Variants in ADK observed in about 807,000 individuals in gnomAD.
ADK encodes adenosine kinase, also known as N6,N6-dimethyladenosine kinase.
ADK carries 24 observed loss-of-function variants against 44.7 expected under a neutral mutation model. That is an observed-to-expected ratio of 0.54 (90% CI 0.39 to 0.76). ADK has a LOEUF of 0.76. ADK is among the 30% of genes least tolerant of loss of function. The probability of loss-of-function intolerance (pLI) is 0.00; values close to 1 mark genes in which losing one functional copy is unlikely to be tolerated. For synonymous variants in ADK, 128 were observed against 142.6 expected, an observed-to-expected ratio of 0.90 and a Z score of 0.73; for missense variants, 321 against 425.1, an observed-to-expected ratio of 0.76 and a Z score of 2.15.
chr10:74,499,551 G>C (rs1419256950), intron 6 of ADK, among the ~76,000 whole-genome samples: 3 of 152,232 alleles, frequency 2.0e-5, no homozygotes, highest in Admixed American at 1.3e-4. Flanking sequence ...AGCCAGGCGT[G>C]GTGGCGGGCG....
At chr10:74,395,136 C>T (rs902284133) in intron 5 of ADK, among the ~76,000 whole-genome samples, 1 of 152,036 alleles carries the variant, frequency 6.6e-6, no homozygotes, top group Non-Finnish European at 1.5e-5. Flanking sequence ...TAGTGATTCA[C>T]TAGAAATTTT....
chr10:74,342,613 C>G (rs963728793), intron 4 of ADK, among the ~76,000 whole-genome samples: 2 of 152,246 alleles, frequency 1.3e-5, no homozygotes, highest in Admixed American at 1.3e-4. Flanking sequence ...GCTGAGACCA[C>G]TAGACATGCA....
intron 7 of ADK, among the ~76,000 whole-genome samples, chr10:74,573,165 G>T (rs1851035731): frequency 6.6e-6 from 1 of 151,930 alleles, no homozygotes; most frequent in Non-Finnish European, 1.5e-5. Flanking sequence ...TGATGGTGAT[G>T]TACAGACGGG....
chr10:74,178,550 A>G (rs569444416), intron 1 of ADK, among the ~76,000 whole-genome samples: 16 of 152,332 alleles, frequency 1.1e-4, no homozygotes, highest in Admixed American at 3.9e-4. Context: ...TTAATTGACT[A>G]TCATCTTCCT....
chr10:74,455,286 T>G (rs971329059), intron 6 of ADK, among the ~76,000 whole-genome samples: 7 of 152,004 alleles, frequency 4.6e-5, no homozygotes, highest in African/African-American at 1.7e-4. Context: ...GGAGGATCAC[T>G]TGGAGCCAGG....
Position 74,669,812 on chromosome 10 carries a change from C to T in ADK, c.878-371C>T, listed in dbSNP as rs370703496. On this transcript the variant is annotated intron_variant, in intron 9 of 10. Transcript: ENST00000539909. Reference sequence around the variant, plus strand: ...TCACTGCCAGGAATATAGTCAGGCTCGAAGCTTTTTTAGAAACCCATGATC... The same window carrying T: ...TCACTGCCAGGAATATAGTCAGGCTTGAAGCTTTTTTAGAAACCCATGATC... Among the ~76,000 whole-genome samples the T allele has an allele frequency of 7.9e-5, 12 of 151,998 alleles. No homozygotes were observed. In the East Asian group the frequency reaches 1.5e-3, roughly 20 times the overall value.
intron 3 of ADK, among the ~76,000 whole-genome samples, chr10:74,245,213 G>A (rs914423074): frequency 2.0e-5 from 3 of 152,146 alleles, no homozygotes; most frequent in Non-Finnish European, 4.4e-5. Context: ...ACAGAATGAA[G>A]CATCTCTCTA....
chr10:74,609,515 C>G (rs906035895), intron 9 of ADK, among the ~76,000 whole-genome samples: 4 of 152,140 alleles, frequency 2.6e-5, no homozygotes, highest in African/African-American at 9.7e-5. Context: ...CCTTGCACTT[C>G]CCCGGTAAGG....
At chr10:74,204,298 C>A (rs192763188) in intron 2 of ADK, among the ~76,000 whole-genome samples, 1 of 152,070 alleles carries the variant, frequency 6.6e-6, no homozygotes, top group African/African-American at 2.4e-5. Context: ...AGTAGGTTTT[C>A]AGTGCATAAG....
At chr10:74,550,698 C>A (rs1850004324) in intron 7 of ADK, among the ~76,000 whole-genome samples, 1 of 152,144 alleles carries the variant, frequency 6.6e-6, no homozygotes, top group South Asian at 2.1e-4. Flanking sequence ...GTCCAACAAT[C>A]AATCTTAAAG....
chr10:74,352,495 A>G (rs1213141861), intron 4 of ADK, among the ~76,000 whole-genome samples: 1 of 152,234 alleles, frequency 6.6e-6, no homozygotes, highest in Non-Finnish European at 1.5e-5. Context: ...AGGCAATACC[A>G]TTCAGGACAT....
In ADK at chr10:74,201,644, A is replaced by ATATATATGTATG. The variant is rs1554828688; in HGVS notation, c.140+809_140+810insATATGTATGTAT. ...TGTGTGTGTGTTTGTGTGTGTGTGT[A>ATATATATGTATG]TATGTATGTATGTATGTATGTATGT... On this transcript the variant is annotated intron_variant, in intron 2 of 10. Coordinates refer to ENST00000539909, the MANE Select transcript of ADK (RefSeq NM_006721.4). Among the ~76,000 whole-genome samples the ATATATATGTATG allele has an allele frequency of 5.9e-4, 53 of 89,676 alleles. 1 individual carries two copies. The highest frequency in any genetic ancestry group is 1.6e-3 in the African/African-American group (48 of 29,870). 58.8% of individuals were successfully genotyped at this position (89,676 alleles called of 152,430 possible).
chr10:74,388,498 A>G (rs1404653933), intron 4 of ADK, among the ~76,000 whole-genome samples: 1 of 152,144 alleles, frequency 6.6e-6, no homozygotes, highest in Non-Finnish European at 1.5e-5. Flanking sequence ...CATGTACATA[A>G]TATAGCTCTT....
At chr10:74,368,904 C>T (rs1842576069) in intron 4 of ADK, among the ~76,000 whole-genome samples, 1 of 152,124 alleles carries the variant, frequency 6.6e-6, no homozygotes, top group African/African-American at 2.4e-5. Flanking sequence ...CTAGGATTAA[C>T]AGACACGAGC....
At chr10:74,569,944 T>C (rs925525532) in intron 7 of ADK, among the ~76,000 whole-genome samples, 2 of 152,176 alleles carry the variant, frequency 1.3e-5, no homozygotes, top group Admixed American at 1.3e-4. Flanking sequence ...TTGAATTAAT[T>C]TTTGTATAAG....
At chr10:74,154,448 T>C (rs1236619245) in intron 1 of ADK, among the ~76,000 whole-genome samples, 2 of 152,112 alleles carry the variant, frequency 1.3e-5, no homozygotes, top group Admixed American at 6.5e-5. Context: ...TTTGTATTTT[T>C]AGTAGAGACG....
chr10:74,201,732 A>C lies in ADK; in HGVS notation c.140+894A>C, dbSNP rs78050798. Among the ~76,000 whole-genome samples, 232 of 145,324 alleles carry C rather than the reference A, an allele frequency of 1.6e-3. 1 individual carries two copies. The highest frequency in any genetic ancestry group is 4.7e-3 in the African/African-American group (182 of 38,824). On this transcript the variant is annotated intron_variant, in intron 2 of 10. Coordinates refer to ENST00000539909, the MANE Select transcript of ADK (RefSeq NM_006721.4). Reference sequence around the variant, plus strand: ...TCTATCTATCTATCTATCTATCTATATATGGTTCAGTACTATCCATGGTTT... The same window carrying C: ...TCTATCTATCTATCTATCTATCTATCTATGGTTCAGTACTATCCATGGTTT...
chr10:74,509,607 A>C (rs1270289784), intron 6 of ADK: 1 of 152,096 alleles, frequency 6.6e-6, no homozygotes, highest in African/African-American at 2.4e-5. Context: ...TCCTCCATCT[A>C]CCTATTTAAA....
intron 7 of ADK, among the ~76,000 whole-genome samples, chr10:74,529,538 T>C (rs1376248014): frequency 2.0e-5 from 3 of 152,184 alleles, no homozygotes; most frequent in Non-Finnish European, 4.4e-5. Flanking sequence ...ACAATTTTTT[T>C]GAAAAAGTTT....
Sources: gnomAD v4.1 joint callset for allele counts (sites outside exome capture counted in the v4.1 genomes callset) on GRCh38, gnomAD v4.1.1 for gene constraint, MANE v1.5 for transcripts, NCBI Gene and HGNC (gene_info 2026-07-23, HGNC 2026-07-21) for gene names.